Variants in KCNQ3 observed in about 807,000 individuals in gnomAD.
The protein encoded by KCNQ3 is potassium voltage-gated channel subfamily KQT member 3.
A neutral mutation model predicts 92.5 loss-of-function variants in KCNQ3; 30 were observed. That is an observed-to-expected ratio of 0.32 (90% CI 0.24 to 0.44). KCNQ3 has a LOEUF of 0.44. Among genes scored for constraint, KCNQ3 ranks in the 20% least tolerant of loss-of-function variants. The pLI is 1.00. For missense variants in KCNQ3, 913 were observed against 1,140.3 expected (o/e 0.80, Z 2.87); for synonymous variants, 450 against 468.8 (o/e 0.96, Z 0.52).
At chr8:132,190,682 G>C (rs1827129685) in intron 1 of KCNQ3, among the ~76,000 whole-genome samples, 1 of 152,214 alleles carries the variant, frequency 6.6e-6, no homozygotes, top group Non-Finnish European at 1.5e-5. Flanking sequence ...GCTGCTTCGT[G>C]AGATGCTCAG....
chr8:132,187,720 A>ATTGTGGTGGTGG (rs1563795448), intron 1 of KCNQ3, among the ~76,000 whole-genome samples: 41 of 120,868 alleles, frequency 3.4e-4, no homozygotes, highest in African/African-American at 1.2e-3. Flanking sequence ...GGTGGTGGTG[A>ATTGTGGTGGTGG]TGGTGGTGAT....
intron 1 of KCNQ3, among the ~76,000 whole-genome samples, chr8:132,198,096 T>G (rs751493939): frequency 1.4e-4 from 21 of 152,186 alleles, no homozygotes; most frequent in Non-Finnish European, 2.5e-4. Flanking sequence ...ACAAAAAATT[T>G]CAACTTCTGT....
intron 1 of KCNQ3, among the ~76,000 whole-genome samples, chr8:132,414,322 A>T (rs1820734540): frequency 6.6e-6 from 1 of 152,176 alleles, no homozygotes; most frequent in Admixed American, 6.5e-5. Context: ...AGGGAAGCCC[A>T]GGGAGGGATC....
At chr8:132,426,032 C>T (rs1218920962) in intron 1 of KCNQ3, among the ~76,000 whole-genome samples, 1 of 152,240 alleles carries the variant, frequency 6.6e-6, no homozygotes. Context: ...CAGACACACA[C>T]AGAGAAGAAC....
At chr8:132,401,025 C>G (rs1820318660) in intron 1 of KCNQ3, among the ~76,000 whole-genome samples, 1 of 152,144 alleles carries the variant, frequency 6.6e-6, no homozygotes, top group Non-Finnish European at 1.5e-5. Context: ...GAAACCTGGA[C>G]TTAGTTTCAC....
intron 14 of KCNQ3, 90 bp downstream of exon 14, chr8:132,132,087 TAAA>T (rs533420153): frequency 9.0e-6 from 7 of 778,358 alleles, no homozygotes; most frequent in African/African-American, 3.8e-5. Context: ...ACCTTCGTCT[TAAA>T]AAAAAAAAAG....
chr8:132,321,132 T>A (rs1817881821), intron 1 of KCNQ3, among the ~76,000 whole-genome samples: 1 of 152,332 alleles, frequency 6.6e-6, no homozygotes, highest in South Asian at 2.1e-4. Context: ...AGTTGATTGG[T>A]TTGGAACATA....
intron 1 of KCNQ3, among the ~76,000 whole-genome samples, chr8:132,333,017 T>TTGGATGGATGGA (rs3049635): frequency 1.6e-4 from 24 of 149,942 alleles, no homozygotes; most frequent in African/African-American, 3.5e-4. Flanking sequence ...GATGAATGGA[T>TTGGATGGATGGA]TGGATGGATG....
At chr8:132,139,009 A>G (rs1386179425) in intron 11 of KCNQ3, among the ~76,000 whole-genome samples, 1 of 152,134 alleles carries the variant, frequency 6.6e-6, no homozygotes, top group Non-Finnish European at 1.5e-5. Flanking sequence ...GTAAGGTTTG[A>G]CTGGAACTCA....
intron 1 of KCNQ3, among the ~76,000 whole-genome samples, chr8:132,292,035 T>C (rs1180573114): frequency 1.3e-5 from 2 of 152,196 alleles, no homozygotes; most frequent in Non-Finnish European, 2.9e-5. Context: ...AATTGTTCAT[T>C]GCCCACACAT....
At chr8:132,378,983 T>C (rs995918544) in intron 1 of KCNQ3, among the ~76,000 whole-genome samples, 3 of 152,216 alleles carry the variant, frequency 2.0e-5, no homozygotes, top group East Asian at 1.9e-4. Flanking sequence ...GAGAAGCCAA[T>C]GGGAACCATA....
chr8:132,268,036 G>A lies in KCNQ3; in HGVS notation c.387-81855C>T, dbSNP rs142670624. Among the ~76,000 whole-genome samples, 16 of 152,154 alleles carry A rather than the reference G, an allele frequency of 1.1e-4. No homozygotes were observed. In the East Asian group the frequency reaches 3.1e-3, roughly 29 times the overall value. On this transcript the variant is annotated intron_variant, in intron 1 of 14. Transcript: ENST00000388996. ...ATAATGACATGGATCCACCATAACA[G>A]TACCATCCAGAGTAGATATATTGAT...
At chr8:132,154,223 T>TC (rs1825737377) in intron 9 of KCNQ3, among the ~76,000 whole-genome samples, 1 of 131,882 alleles carries the variant, frequency 7.6e-6, no homozygotes, top group East Asian at 2.2e-4. Context: ...TTTTTTTTTT[T>TC]AGCCAATCAG....
At chr8:132,149,588 G>A (rs1053143591) in intron 9 of KCNQ3, among the ~76,000 whole-genome samples, 1 of 152,150 alleles carries the variant, frequency 6.6e-6, no homozygotes, top group African/African-American at 2.4e-5. Context: ...TGGTTCTATG[G>A]CATTTATCTT....
intron 1 of KCNQ3, among the ~76,000 whole-genome samples, chr8:132,372,976 A>C (rs1416975175): frequency 6.6e-6 from 1 of 152,072 alleles, no homozygotes; most frequent in East Asian, 1.9e-4. Context: ...GAAAGAACCA[A>C]AGAAAGAACA....
intron 1 of KCNQ3, among the ~76,000 whole-genome samples, chr8:132,264,251 A>G (rs2130479366): frequency 6.6e-6 from 1 of 152,284 alleles, no homozygotes; most frequent in South Asian, 2.1e-4. Context: ...GTTCCTGCCC[A>G]CAGCTACTTG....
At chr8:132,136,671 T>G (rs1450332486) in intron 12 of KCNQ3, among the ~76,000 whole-genome samples, 2 of 152,194 alleles carry the variant, frequency 1.3e-5, no homozygotes, top group East Asian at 3.8e-4. Flanking sequence ...AGGCAGAGTA[T>G]ATTTATTCTG....
chr8:132,456,261 T>C lies in KCNQ3; in HGVS notation c.386+23886A>G, dbSNP rs548158060. ...AATCCAACCAAAGTGGCCAGGCTTC[T>C]GTAGCGACAAGTTGTGCAGCCTGGG... On this transcript the variant is annotated intron_variant, in intron 1 of 14. Transcript: ENST00000388996. Among the ~76,000 whole-genome samples, 9 of 152,192 alleles carry C rather than the reference T, an allele frequency of 5.9e-5. No individual in the cohort carries two copies. In the South Asian group the frequency reaches 1.9e-3, roughly 32 times the overall value.
chr8:132,205,703 T>A (rs1237759504), intron 1 of KCNQ3, among the ~76,000 whole-genome samples: 1 of 152,206 alleles, frequency 6.6e-6, no homozygotes, highest in Non-Finnish European at 1.5e-5. Context: ...GTGTCCACTA[T>A]GTGAGACTAT....
Sources: allele counts gnomAD v4.1 joint callset (sites outside exome capture counted in the v4.1 genomes callset), GRCh38; gene constraint gnomAD v4.1.1; transcripts MANE v1.5; gene names NCBI Gene and HGNC (gene_info 2026-07-23, HGNC 2026-07-21).